The following PKNOX2 variants were observed in gnomAD, a reference collection of about 807,000 sequenced individuals.
PKNOX2 encodes PBX/knotted 1 homeobox 2, also known as homeobox protein PKNOX2.
In PKNOX2, 14 loss-of-function variants were observed where a neutral mutation model predicts 53.1. The ratio of observed to expected loss-of-function variants is 0.26; its 90% CI spans 0.17 to 0.41. The LOEUF is 0.41. PKNOX2 is among the 10% of genes least tolerant of loss of function. The pLI is 1.00. For synonymous variants in PKNOX2, 257 were observed against 242.8 expected, an observed-to-expected ratio of 1.06 and a Z score of -0.54; for missense variants, 496 against 602.8, an observed-to-expected ratio of 0.82 and a Z score of 1.85.
intron 2 of PKNOX2, among the ~76,000 whole-genome samples, chr11:125,309,508 C>T (rs1251509621): frequency 1.3e-5 from 2 of 151,868 alleles, no homozygotes; most frequent in Middle Eastern, 3.2e-3. Context: ...CCACCTCTGC[C>T]TCCTAAGTAG....
chr11:125,317,939 T>G (rs1286645285), intron 2 of PKNOX2, among the ~76,000 whole-genome samples: 1 of 152,214 alleles, frequency 6.6e-6, no homozygotes, highest in Non-Finnish European at 1.5e-5. Context: ...CTGAAAAAAT[T>G]TGTTGTTTAC....
intron 2 of PKNOX2, among the ~76,000 whole-genome samples, chr11:125,310,660 A>G (rs1948748099): frequency 6.6e-6 from 1 of 152,114 alleles, no homozygotes; most frequent in South Asian, 2.1e-4. Flanking sequence ...TCTAAAAGCT[A>G]TTTGTTTTCA....
chr11:125,223,528 C>G (rs1179265476), intron 1 of PKNOX2, among the ~76,000 whole-genome samples: 1 of 152,224 alleles, frequency 6.6e-6, no homozygotes, highest in Non-Finnish European at 1.5e-5. Context: ...CCACGCCCAG[C>G]CCTCTTTTAA....
intron 2 of PKNOX2, among the ~76,000 whole-genome samples, chr11:125,289,220 C>G (rs1240842673): frequency 6.6e-6 from 1 of 152,194 alleles, no homozygotes; most frequent in Non-Finnish European, 1.5e-5. Context: ...GGAGACTCCA[C>G]AGTGGAATGA....
intron 7 of PKNOX2, among the ~76,000 whole-genome samples, chr11:125,404,818 TAGAG>T (rs1954977215): frequency 6.6e-6 from 1 of 152,018 alleles, no homozygotes; most frequent in African/African-American, 2.4e-5. Flanking sequence ...ACGCCTGCAT[TAGAG>T]AGAACCATTC....
chr11:125,368,126 T>C, intron 5 of PKNOX2, 141 bp downstream of exon 5: 1 of 1,067,588 alleles, frequency 9.4e-7, no homozygotes, highest in Non-Finnish European at 1.3e-6. Flanking sequence ...TCCTTCCCTC[T>C]CTACTCAATC....
intron 2 of PKNOX2, among the ~76,000 whole-genome samples, chr11:125,270,357 A>T (rs181652149): frequency 1.2e-4 from 19 of 152,306 alleles, no homozygotes; most frequent in Admixed American, 1.1e-3. Context: ...AGGTCCTGCC[A>T]TGACATGGTG....
At chr11:125,428,283 T>C (rs1418402121) in intron 10 of PKNOX2, among the ~76,000 whole-genome samples, 9 of 152,026 alleles carry the variant, frequency 5.9e-5, no homozygotes, top group Non-Finnish European at 1.3e-4. Flanking sequence ...AGTGGCATCA[T>C]GAAGCAATGG....
chr11:125,351,173 C>A, intron 3 of PKNOX2, 111 bp from the exon 4 acceptor site: 1 of 711,224 alleles, frequency 1.4e-6, no homozygotes, highest in Non-Finnish European at 2.6e-6. Context: ...CAACCCTTGC[C>A]GCATCCAGCC....
chr11:125,215,442 A>C (rs2135470060), intron 1 of PKNOX2, among the ~76,000 whole-genome samples: 1 of 152,184 alleles, frequency 6.6e-6, no homozygotes, highest in South Asian at 2.1e-4. Context: ...AAGCAGGAGC[A>C]GGCCCAGGAT....
intron 1 of PKNOX2, among the ~76,000 whole-genome samples, chr11:125,215,028 T>A (rs1190851879): frequency 6.6e-6 from 1 of 152,002 alleles, no homozygotes; most frequent in African/African-American, 2.4e-5. Flanking sequence ...TGGGAGAGCG[T>A]CCGCGAAGGA....
At chr11:125,356,573 G>A (rs1951630214) in intron 4 of PKNOX2, among the ~76,000 whole-genome samples, 1 of 152,196 alleles carries the variant, frequency 6.6e-6, no homozygotes, top group Non-Finnish European at 1.5e-5. Context: ...TGGTGTCTGG[G>A]ACTCCAGGAC....
rs377493533 is a variant in PKNOX2, at chr11:125,321,947, TCTTTTTTA to T, written c.-129-9871_-129-9864del. Among the ~76,000 whole-genome samples, 319 of 152,140 alleles carry T rather than the reference TCTTTTTTA, an allele frequency of 2.1e-3. 1 individual carries two copies. The highest frequency in any genetic ancestry group is 6.4e-3 in the African/African-American group (267 of 41,502). On this transcript the variant is annotated intron_variant, in intron 2 of 12. Coordinates refer to ENST00000298282, the MANE Select transcript of PKNOX2 (RefSeq NM_001382323.2). Reference sequence around the variant, plus strand: ...GGTGGGCAAAAGGAGCTCACTCGAGTCTTTTTTATAAGGCCACCAATCCCATTGATGAG... The same window carrying T: ...GGTGGGCAAAAGGAGCTCACTCGAGTTAAGGCCACCAATCCCATTGATGAG...
intron 1 of PKNOX2, among the ~76,000 whole-genome samples, chr11:125,230,697 A>T (rs982276633): frequency 2.0e-5 from 3 of 152,338 alleles, no homozygotes; most frequent in Admixed American, 6.5e-5. Flanking sequence ...GGATGAATGT[A>T]GAAGTCCTCA....
intron 1 of PKNOX2, among the ~76,000 whole-genome samples, chr11:125,194,973 C>T (rs971783992): frequency 2.3e-4 from 35 of 152,074 alleles, no homozygotes; most frequent in African/African-American, 7.7e-4. Context: ...TCTTAGGAGG[C>T]GGGCTCTATT....
At chr11:125,418,028 T>C (rs1013395712) in intron 10 of PKNOX2, among the ~76,000 whole-genome samples, 4 of 152,112 alleles carry the variant, frequency 2.6e-5, no homozygotes, top group African/African-American at 9.7e-5. Context: ...AAATTTACCG[T>C]TTTAAACTGT....
At chr11:125,275,405 A>T (rs148343262) in intron 2 of PKNOX2, among the ~76,000 whole-genome samples, 2 of 152,286 alleles carry the variant, frequency 1.3e-5, no homozygotes, top group East Asian at 3.9e-4. Context: ...GGAGGCAGAG[A>T]GTGTCTTAGG....
chr11:125,393,880 A>G (rs1465975275), intron 6 of PKNOX2, among the ~76,000 whole-genome samples: 1 of 132,878 alleles, frequency 7.5e-6, no homozygotes, highest in African/African-American at 2.8e-5. Flanking sequence ...CACTTCCTCT[A>G]CCTACATAAT....
chr11:125,187,590 T>C (rs1476748043), intron 1 of PKNOX2, among the ~76,000 whole-genome samples: 2 of 152,250 alleles, frequency 1.3e-5, no homozygotes, highest in Non-Finnish European at 2.9e-5. Context: ...TTGGATTTTC[T>C]ATATACAGGG....
Sources: allele counts gnomAD v4.1 joint callset (sites outside exome capture counted in the v4.1 genomes callset), GRCh38; gene constraint gnomAD v4.1.1; transcripts MANE v1.5; gene names NCBI Gene and HGNC (gene_info 2026-07-23, HGNC 2026-07-21).